Variants in CDH13 observed in about 807,000 individuals in gnomAD.
The protein encoded by CDH13 is cadherin-13.
Under a neutral mutation model 63.8 loss-of-function variants are expected in CDH13, and 24 were observed. The ratio of observed to expected loss-of-function variants is 0.38; its 90% CI spans 0.27 to 0.53. The LOEUF (loss-of-function observed/expected upper bound fraction) is 0.53, where lower values mean the gene tolerates loss of function less well. Among genes scored for constraint, CDH13 ranks in the 20% least tolerant of loss-of-function variants. The pLI is 0.85. For missense variants in CDH13, 1,049 were observed against 903.1 expected, an observed-to-expected ratio of 1.16 and a Z score of -2.07; for synonymous variants, 503 against 355.3, an observed-to-expected ratio of 1.42 and a Z score of -4.67.
intron 1 of CDH13, among the ~76,000 whole-genome samples, chr16:82,740,635 A>T (rs1237214708): frequency 2.6e-5 from 4 of 152,126 alleles, no homozygotes; most frequent in African/African-American, 9.7e-5. Flanking sequence ...TGCTCCATGG[A>T]CGTCTCATTC....
At position 83,524,445 on chromosome 16, in the gene CDH13, CTTTTTTTTT is replaced by C. The variant is rs150233410; in HGVS notation, c.960+37807_960+37815del. Among the ~76,000 whole-genome samples the C allele has an allele frequency of 1.9e-4, 11 of 59,282 alleles. No homozygotes were observed. In the South Asian group the frequency reaches 4.9e-3, roughly 26 times the overall value. 38.9% of individuals were successfully genotyped at this position (59,282 alleles called of 152,430 possible). A position where few individuals can be genotyped will look rare whatever the true frequency, so the allele number is the denominator to read the frequency against. On this transcript the variant is annotated intron_variant, in intron 7 of 13. Coordinates refer to ENST00000567109, the MANE Select transcript of CDH13 (RefSeq NM_001257.5). Reference sequence around the variant, plus strand: ...TGAATTTCATGTCTTTTTCTTTTTTCTTTTTTTTTTTTTTTTTTTTTTTTTGAGATGAAG... The same window carrying C: ...TGAATTTCATGTCTTTTTCTTTTTTCTTTTTTTTTTTTTTTTGAGATGAAG...
intron 2 of CDH13, among the ~76,000 whole-genome samples, chr16:82,909,571 G>T (rs2041763076): frequency 6.6e-6 from 1 of 150,520 alleles, no homozygotes; most frequent in Non-Finnish European, 1.5e-5. Context: ...AGACCTCACA[G>T]TCATGGCGGA....
intron 4 of CDH13, among the ~76,000 whole-genome samples, chr16:83,162,970 T>C (rs927411339): frequency 6.6e-6 from 1 of 152,110 alleles, no homozygotes; most frequent in Non-Finnish European, 1.5e-5. Context: ...TCTTGAATTG[T>C]AACCCCCACA....
chr16:83,077,176 T>TC (rs2032901819), intron 3 of CDH13, among the ~76,000 whole-genome samples: 2 of 140,308 alleles, frequency 1.4e-5, no homozygotes, highest in African/African-American at 2.7e-5. Context: ...TCTTTTCTTT[T>TC]TTTTCTTTTC....
At chr16:83,765,740 A>G (rs1914334654) in intron 11 of CDH13, among the ~76,000 whole-genome samples, 2 of 152,178 alleles carry the variant, frequency 1.3e-5, no homozygotes, top group South Asian at 4.1e-4. Flanking sequence ...AAAATAAAAC[A>G]AAGGATAACC....
chr16:83,022,802 C>G lies in CDH13; in HGVS notation c.158-9208C>G, dbSNP rs542501097. 2.0e-3 allele frequency among the ~76,000 whole-genome samples: 299 copies of G among 152,302 alleles called. 1 individual carries two copies. The highest frequency in any genetic ancestry group is 0.017 in the Middle Eastern group (5 of 294). ...AAGCCTCTACAAATACATGCAAACTCTAGGACAATTTACCCATATAAGATG... is the reference window on the plus strand; with the variant it reads ...AAGCCTCTACAAATACATGCAAACTGTAGGACAATTTACCCATATAAGATG... On this transcript the variant is annotated intron_variant, in intron 2 of 13. Coordinates refer to ENST00000567109, the MANE Select transcript of CDH13 (RefSeq NM_001257.5).
At chr16:83,197,021 A>C (rs1051736596) in intron 4 of CDH13, among the ~76,000 whole-genome samples, 2 of 152,228 alleles carry the variant, frequency 1.3e-5, no homozygotes, top group Non-Finnish European at 2.9e-5. Flanking sequence ...TATTTGCCAG[A>C]AACTGAAAAC....
intron 8 of CDH13, among the ~76,000 whole-genome samples, chr16:83,662,726 G>A (rs1302643006): frequency 1.3e-5 from 2 of 152,168 alleles, no homozygotes; most frequent in Non-Finnish European, 2.9e-5. Context: ...CACCATCAAA[G>A]GGACCACTCA....
Position 82,692,402 on chromosome 16 carries a change from A to G in CDH13, c.45+65265A>G, listed in dbSNP as rs145754989. On this transcript the variant is annotated intron_variant, in intron 1 of 13. Transcript: ENST00000567109. ...GCGGAGGCTTCACAATCATGGTGGAAGGCGAAAGAGGAGCAAAGTCATGTT... is the reference window on the plus strand; with the variant it reads ...GCGGAGGCTTCACAATCATGGTGGAGGGCGAAAGAGGAGCAAAGTCATGTT... Among the ~76,000 whole-genome samples, 487 of 152,356 alleles carry G rather than the reference A, an allele frequency of 3.2e-3. 1 individual carries two copies. The highest frequency in any genetic ancestry group is 0.011 in the African/African-American group (460 of 41,588).
At chr16:83,608,040 G>C (rs1386836962) in intron 8 of CDH13, among the ~76,000 whole-genome samples, 2 of 152,118 alleles carry the variant, frequency 1.3e-5, no homozygotes, top group Non-Finnish European at 2.9e-5. Flanking sequence ...ATTAATTAAA[G>C]AATGTGTTTG....
At chr16:83,068,311 A>G (rs1310551782) in intron 3 of CDH13, among the ~76,000 whole-genome samples, 2 of 152,138 alleles carry the variant, frequency 1.3e-5, no homozygotes, top group African/African-American at 4.8e-5. Context: ...CCACTTTATT[A>G]TCTATCTAGA....
At chr16:83,027,107 C>T (rs970162265) in intron 2 of CDH13, among the ~76,000 whole-genome samples, 7 of 143,322 alleles carry the variant, frequency 4.9e-5, no homozygotes, top group Non-Finnish European at 7.8e-5. Context: ...GGGAGACCCC[C>T]CCCCCCCACC....
intron 1 of CDH13, chr16:82,823,522 G>A (rs1463025066): frequency 6.6e-6 from 1 of 152,188 alleles, no homozygotes; most frequent in East Asian, 1.9e-4. Context: ...GTGTACTCAA[G>A]ATGCTGGCAT....
At chr16:82,749,415 A>C (rs1464549663) in intron 1 of CDH13, among the ~76,000 whole-genome samples, 2 of 152,206 alleles carry the variant, frequency 1.3e-5, no homozygotes, top group Non-Finnish European at 2.9e-5. Flanking sequence ...AGAAAAAATG[A>C]AGATTTATCG....
chr16:83,042,304 T>A (rs1917396893), intron 3 of CDH13, among the ~76,000 whole-genome samples: 2 of 152,192 alleles, frequency 1.3e-5, no homozygotes, highest in African/African-American at 4.8e-5. Flanking sequence ...GCCTGAGCAC[T>A]GCCTGCTGTC....
At chr16:83,410,226 A>G (rs1204052276) in intron 6 of CDH13, among the ~76,000 whole-genome samples, 1 of 152,160 alleles carries the variant, frequency 6.6e-6, no homozygotes, top group Non-Finnish European at 1.5e-5. Context: ...TGGGTCTCTA[A>G]ATAGACAAGG....
At chr16:83,294,775 G>A (rs906519517) in intron 5 of CDH13, among the ~76,000 whole-genome samples, 15 of 151,972 alleles carry the variant, frequency 9.9e-5, no homozygotes, top group East Asian at 5.8e-4. Flanking sequence ...GTGGATTGCC[G>A]GAATAATATT....
chr16:83,621,850 G>A (rs1359245235), intron 8 of CDH13, among the ~76,000 whole-genome samples: 1 of 151,982 alleles, frequency 6.6e-6, no homozygotes, highest in Non-Finnish European at 1.5e-5. Context: ...TATAACTACA[G>A]CACACAAAAG....
At chr16:82,783,654 T>C (rs1252309390) in intron 1 of CDH13, among the ~76,000 whole-genome samples, 2 of 152,202 alleles carry the variant, frequency 1.3e-5, no homozygotes, top group Admixed American at 6.5e-5. Context: ...GAGTTGCTTG[T>C]TCAATGAGAT....
Sources: allele counts gnomAD v4.1 joint callset (sites outside exome capture counted in the v4.1 genomes callset), GRCh38; gene constraint gnomAD v4.1.1; transcripts MANE v1.5; gene names NCBI Gene and HGNC (gene_info 2026-07-23, HGNC 2026-07-21).